COL8A1: variants seen among roughly 807,000 people sequenced by gnomAD.
The protein encoded by COL8A1 is collagen type VIII alpha 1 chain.
A neutral mutation model predicts 42.7 loss-of-function variants in COL8A1; 21 were observed. The ratio of observed to expected loss-of-function variants is 0.49; its 90% confidence interval spans 0.35 to 0.71. The LOEUF (loss-of-function observed/expected upper bound fraction) is 0.71. COL8A1 is among the 30% of genes least tolerant of loss of function. The pLI is 0.01. For synonymous variants in COL8A1, 367 were observed against 369.1 expected (o/e 0.99, Z 0.06); for missense variants, 788 against 962.4 (o/e 0.82, Z 2.40).
intron 1 of COL8A1, among the ~76,000 whole-genome samples, chr3:99,658,129 C>CAAAAAA (rs74267789): frequency 7.7e-6 from 1 of 129,610 alleles, no homozygotes; most frequent in Non-Finnish European, 1.7e-5. Flanking sequence ...AAACAAAAAA[C>CAAAAAA]AAAAAAAAAA....
intron 1 of COL8A1, among the ~76,000 whole-genome samples, chr3:99,684,737 C>T (rs145021746): frequency 0.01 from 1,539 of 152,118 alleles, 26 homozygotes; most frequent in African/African-American, 0.036. Flanking sequence ...ATTTTCTGAA[C>T]GGGAATTGTG....
chr3:99,768,412 G>A (rs762900405), intron 2 of COL8A1, among the ~76,000 whole-genome samples: 3 of 152,184 alleles, frequency 2.0e-5, no homozygotes, highest in Non-Finnish European at 4.4e-5. Context: ...ACTGTATATG[G>A]AGAAATCTCA....
chr3:99,737,943 C>G (rs1003064774), intron 1 of COL8A1, among the ~76,000 whole-genome samples: 3 of 151,316 alleles, frequency 2.0e-5, no homozygotes, highest in African/African-American at 7.3e-5. Context: ...TCTTTTTTCT[C>G]TAAACTTCCC....
intron 2 of COL8A1, among the ~76,000 whole-genome samples, chr3:99,750,531 G>C (rs776111366): frequency 1.6e-4 from 24 of 152,034 alleles, no homozygotes; most frequent in Non-Finnish European, 2.9e-4. Context: ...TATTGTAATT[G>C]ACTCCAAAAT....
At position 99,794,079 on chromosome 3, in the gene COL8A1, T is replaced by G. The variant is rs1458795096; in HGVS notation, c.329-151T>G. On this transcript the variant is annotated intron_variant, in intron 3 of 3. Coordinates refer to ENST00000652472, the MANE Select transcript of COL8A1 (RefSeq NM_020351.4). This position sits in a 1 kb window ranked among gnomAD's most constrained non-coding sequence, Gnocchi z 4.3. ...ATTTTTAAGGTCTAGAAGATGAGCATATTATTCCTAGTCTTTTCTCTTGAT... is the reference window on the plus strand; with the variant it reads ...ATTTTTAAGGTCTAGAAGATGAGCAGATTATTCCTAGTCTTTTCTCTTGAT... 1.8e-6 allele frequency: 1 copy of G among 549,836 alleles called. No individual in the cohort carries two copies. Among genetic ancestry groups the G allele is most frequent in the Non-Finnish European group, 3.2e-6 (1 of 316,038 alleles). The allele number at this position is 549,836 out of a possible 1,614,324, so 34.1% of individuals were successfully genotyped here.
At chr3:99,771,357 C>A (rs536238218) in intron 2 of COL8A1, among the ~76,000 whole-genome samples, 4 of 152,240 alleles carry the variant, frequency 2.6e-5, no homozygotes, top group African/African-American at 9.6e-5. Flanking sequence ...CATTTTTGAA[C>A]AATTGCAAAT....
At chr3:99,756,800 C>A (rs530729090) in intron 2 of COL8A1, among the ~76,000 whole-genome samples, 2 of 152,262 alleles carry the variant, frequency 1.3e-5, no homozygotes, top group South Asian at 4.1e-4. Flanking sequence ...GGGATACAAA[C>A]GTCTTAGCCA....
At chr3:99,755,500 G>T (rs1941236757) in intron 2 of COL8A1, among the ~76,000 whole-genome samples, 2 of 152,130 alleles carry the variant, frequency 1.3e-5, no homozygotes, top group Admixed American at 6.5e-5. Context: ...CTTACATTCT[G>T]TCTAGTTGGA....
rs1364953100 is a variant in COL8A1 at position 99,757,446 on chromosome 3, C to G, written c.-4+12425C>G. On this transcript the variant is annotated intron_variant, in intron 2 of 3. Transcript: ENST00000652472. The stretch of plus-strand genomic sequence containing the variant: ...ACATTTCTCACCCATTCTTCATACT[C>G]TTTGCTGGGGAGCACTGCCGACCTG... Among the ~76,000 whole-genome samples the G allele has an allele frequency of 1.3e-5, 2 of 152,144 alleles. 1 individual carries two copies. The highest frequency in any genetic ancestry group is 4.8e-5 in the African/African-American group (2 of 41,446).
At chr3:99,672,069 T>C (rs928466573) in intron 1 of COL8A1, among the ~76,000 whole-genome samples, 2 of 152,048 alleles carry the variant, frequency 1.3e-5, no homozygotes, top group African/African-American at 2.4e-5. Context: ...CCTGACAGCT[T>C]TTAACAGAGA....
intron 1 of COL8A1, among the ~76,000 whole-genome samples, chr3:99,667,166 A>G (rs1383065908): frequency 6.6e-6 from 1 of 152,188 alleles, no homozygotes; most frequent in Non-Finnish European, 1.5e-5. Context: ...CCTAGTTCTT[A>G]ACTCCTACAG....
intron 1 of COL8A1, among the ~76,000 whole-genome samples, chr3:99,723,563 A>C (rs979747547): frequency 6.6e-6 from 1 of 152,202 alleles, no homozygotes; most frequent in South Asian, 2.1e-4. Context: ...TTCTTGTTTT[A>C]TTTTCTTTTT....
intron 2 of COL8A1, among the ~76,000 whole-genome samples, chr3:99,780,695 T>C (rs912630471): frequency 6.6e-6 from 1 of 152,252 alleles, no homozygotes; most frequent in Non-Finnish European, 1.5e-5. Context: ...TCCTTTACAC[T>C]CTCAGCCTCC....
intron 2 of COL8A1, among the ~76,000 whole-genome samples, chr3:99,766,645 C>T (rs1475663641): frequency 5.9e-5 from 9 of 152,186 alleles, no homozygotes; most frequent in Admixed American, 5.9e-4. Context: ...GCCAGTACCA[C>T]TGACAGTTAA....
At chr3:99,646,426 G>A (rs1386756610) in intron 1 of COL8A1, among the ~76,000 whole-genome samples, 2 of 152,160 alleles carry the variant, frequency 1.3e-5, no homozygotes, top group Non-Finnish European at 2.9e-5. Flanking sequence ...CAAGGGGCGT[G>A]TCACTGATCG....
At chr3:99,774,196 AT>A (rs1346116341) in intron 2 of COL8A1, among the ~76,000 whole-genome samples, 2 of 151,210 alleles carry the variant, frequency 1.3e-5, no homozygotes, top group Non-Finnish European at 2.9e-5. Flanking sequence ...TTATGATGCT[AT>A]TTGATTGTGT....
At chr3:99,729,462 T>G (rs1487598825) in intron 1 of COL8A1, among the ~76,000 whole-genome samples, 4 of 151,948 alleles carry the variant, frequency 2.6e-5, no homozygotes, top group African/African-American at 9.7e-5. Context: ...TGGGTTTTAT[T>G]TTTTTTAAAA....
intron 2 of COL8A1, among the ~76,000 whole-genome samples, chr3:99,788,099 C>A (rs953000614): frequency 6.6e-6 from 1 of 152,046 alleles, no homozygotes; most frequent in African/African-American, 2.4e-5. Context: ...TTGGGAGAAC[C>A]CCCATACCAC....
intron 1 of COL8A1, among the ~76,000 whole-genome samples, chr3:99,686,227 C>A (rs1939047450): frequency 6.6e-6 from 1 of 152,176 alleles, no homozygotes; most frequent in African/African-American, 2.4e-5. Context: ...TACCAAAGAC[C>A]TGCAGACATC....
Sources: allele counts gnomAD v4.1 joint callset (sites outside exome capture counted in the v4.1 genomes callset), GRCh38; gene constraint gnomAD v4.1.1; non-coding constraint Gnocchi (gnomAD v3.1); transcripts MANE v1.5; gene names NCBI Gene and HGNC (gene_info 2026-07-23, HGNC 2026-07-21).